The following KIF6 variants were observed in gnomAD, a reference collection of about 807,000 sequenced individuals.
KIF6 encodes the protein kinesin-like protein KIF6.
In KIF6, 106 loss-of-function variants were observed where a neutral mutation model predicts 112.7. The observed-to-expected ratio is 0.94, with a 90% CI of 0.80 to 1.11. The LOEUF is 1.11. KIF6 is among the 50% of genes least tolerant of loss of function. KIF6 has a pLI of 0.00. For missense variants in KIF6, 929 were observed against 964.0 expected (o/e 0.96, Z 0.48); for synonymous variants, 339 against 339.9 (o/e 1.00, Z 0.03).
rs1763366286 is a variant in KIF6, at chr6:39,342,363, A to G, written c.2428+1346T>C. On this transcript the variant is annotated intron_variant, in intron 22 of 22. Transcript: ENST00000287152. This position sits in a 1 kb window ranked among gnomAD's most constrained non-coding sequence, Gnocchi z 4.7. ...CTCAAACAATCTTACGTATTTGTCG[A>G]CGTGTTCATTGTCTGTCTCCTTCCT... 6.6e-6 allele frequency among the ~76,000 whole-genome samples: 1 copy of G among 152,212 alleles called. No individual in the cohort carries two copies. Among genetic ancestry groups the G allele is most frequent in the Non-Finnish European group, 1.5e-5 (1 of 68,050 alleles).
intron 10 of KIF6, among the ~76,000 whole-genome samples, chr6:39,555,182 C>T (rs1010249596): frequency 2.6e-5 from 4 of 152,192 alleles, no homozygotes; most frequent in African/African-American, 9.7e-5. Flanking sequence ...GTGTTTGCCT[C>T]TCCTTTTCTG....
Position 39,639,749 on chromosome 6 carries a change from G to T in KIF6, c.260C>A (p.Ala87Glu). 6.2e-7 allele frequency: 1 copy of T among 1,608,890 alleles called. No homozygotes were observed. The highest frequency in any genetic ancestry group is 8.5e-7 in the Non-Finnish European group (1 of 1,177,966). The part of the protein sequence containing the change: ...IAKPVAGSVL[A>E]GYNGTIFAYG... The stretch of plus-strand genomic sequence containing the variant: ...TGCAAAGATGGTACCATTGTAACCT[G>T]CCAGGACACTGCAATAAAGAAATGA... The change falls in exon 4 of 23, where the codon GCA (alanine) becomes GAA (glutamate). Residue 87 changes from alanine (A) to glutamate (E), a missense_variant. This residue lies in a region of KIF6 where 688 missense variants were observed against 662.7 expected (regional missense o/e 1.04). Transcript: ENST00000287152.
chr6:39,695,533 C>A (rs1788481711), intron 3 of KIF6, among the ~76,000 whole-genome samples: 1 of 152,058 alleles, frequency 6.6e-6, no homozygotes, highest in Non-Finnish European at 1.5e-5. Context: ...TACAAATGGG[C>A]AACCAAGATA....
intron 10 of KIF6, among the ~76,000 whole-genome samples, chr6:39,562,963 T>C (rs751253634): frequency 3.3e-5 from 5 of 152,074 alleles, no homozygotes; most frequent in South Asian, 4.1e-4. Flanking sequence ...AAAGGCTGGG[T>C]GTGGTGGCTC....
intron 22 of KIF6, among the ~76,000 whole-genome samples, chr6:39,340,890 G>T (rs1282501812): frequency 2.6e-5 from 4 of 152,086 alleles, no homozygotes; most frequent in Non-Finnish European, 4.4e-5. Flanking sequence ...TGGTTTCTAT[G>T]GATTTGTTAC....
At position 39,346,510 on chromosome 6, in the gene KIF6, C is replaced by T. The variant is rs766695790; in HGVS notation, c.2197G>A (p.Val733Ile). The change falls in exon 20 of 23, where the codon GTC becomes ATC. Residue 733 changes from valine (V) to isoleucine (I), a missense_variant. By Grantham distance (29) the Val-to-Ile change is conservative. Coordinates refer to ENST00000287152, the MANE Select transcript of KIF6 (RefSeq NM_145027.6). Reference sequence around the variant, plus strand: ...AATCTGCCAGTGCCTTGATCTTGGACTTCCCAGCCTCCAGAACTGTGAAAA... The same window carrying T: ...AATCTGCCAGTGCCTTGATCTTGGATTTCCCAGCCTCCAGAACTGTGAAAA... Reference protein sequence around the residue: ...LSNKSSGGWEVQDQGTGRFDV... With the variant: ...LSNKSSGGWEIQDQGTGRFDV... 143 of 713,856 alleles carry T rather than the reference C, an allele frequency of 2.0e-4. No homozygotes were observed. The highest frequency in any genetic ancestry group is 3.4e-4 in the Non-Finnish European group (131 of 384,996). 44.2% of individuals were successfully genotyped at this position (713,856 alleles called of 1,614,324 possible). A position where few individuals can be genotyped will look rare whatever the true frequency, so the allele number is the denominator to read the frequency against.
chr6:39,380,570 C>T (rs1471764939), intron 16 of KIF6, among the ~76,000 whole-genome samples: 1 of 152,040 alleles, frequency 6.6e-6, no homozygotes, highest in Non-Finnish European at 1.5e-5. Context: ...CACACACACG[C>T]ACACACCCGG....
At chr6:39,626,056 G>C (rs1387612168) in intron 5 of KIF6, among the ~76,000 whole-genome samples, 1 of 152,128 alleles carries the variant, frequency 6.6e-6, no homozygotes, top group East Asian at 1.9e-4. Context: ...TGAATGTGTT[G>C]CTCAGCAGGC....
chr6:39,362,878 G>A (rs1765269250), intron 16 of KIF6, among the ~76,000 whole-genome samples: 1 of 152,218 alleles, frequency 6.6e-6, no homozygotes, highest in Non-Finnish European at 1.5e-5. Context: ...GCCAGGCACA[G>A]TGGCTCACGC....
intron 9 of KIF6, among the ~76,000 whole-genome samples, chr6:39,582,917 G>A (rs910325691): frequency 6.6e-6 from 1 of 152,076 alleles, no homozygotes; most frequent in African/African-American, 2.4e-5. Flanking sequence ...GTTTTTAGAG[G>A]CAATTATAAA....
chr6:39,475,998 A>G (rs1378287177), intron 13 of KIF6, among the ~76,000 whole-genome samples: 1 of 152,010 alleles, frequency 6.6e-6, no homozygotes, highest in Non-Finnish European at 1.5e-5. Flanking sequence ...AGCTGAACAA[A>G]AAGAACACAT....
intron 15 of KIF6, among the ~76,000 whole-genome samples, chr6:39,398,208 C>A (rs1581763851): frequency 6.6e-6 from 1 of 152,166 alleles, no homozygotes; most frequent in South Asian, 2.1e-4. Context: ...AAGGCGTAAT[C>A]CTTAATTATG....
chr6:39,346,075 T>TCTCTCC (rs1763710602), intron 20 of KIF6, among the ~76,000 whole-genome samples: 1 of 21,136 alleles, frequency 4.7e-5, no homozygotes, highest in African/African-American at 5.0e-4. Flanking sequence ...TCTCTCTCTC[T>TCTCTCC]CTCTCTCTCT....
At chr6:39,396,532 G>A (rs370727648) in intron 15 of KIF6, among the ~76,000 whole-genome samples, 35 of 152,274 alleles carry the variant, frequency 2.3e-4, no homozygotes, top group Admixed American at 5.2e-4. Context: ...AGTGGAAAAC[G>A]GCAGGAGAAG....
At chr6:39,687,812 G>A (rs536062534) in intron 3 of KIF6, among the ~76,000 whole-genome samples, 2 of 152,274 alleles carry the variant, frequency 1.3e-5, no homozygotes, top group South Asian at 2.1e-4. Context: ...TAGCTGTGCT[G>A]CACTTTTCTT....
intron 15 of KIF6, among the ~76,000 whole-genome samples, chr6:39,409,833 A>G (rs905790609): frequency 3.9e-5 from 6 of 152,240 alleles, no homozygotes; most frequent in Non-Finnish European, 7.3e-5. Flanking sequence ...AGTTGACAAG[A>G]GACACAGCAA....
At chr6:39,601,154 T>C (rs1782549498) in intron 6 of KIF6, among the ~76,000 whole-genome samples, 1 of 152,138 alleles carries the variant, frequency 6.6e-6, no homozygotes, top group African/African-American at 2.4e-5. Flanking sequence ...CTTACCAGCA[T>C]CTTGTACATA....
At chr6:39,423,039 T>C (rs1770489698) in intron 14 of KIF6, among the ~76,000 whole-genome samples, 2 of 152,190 alleles carry the variant, frequency 1.3e-5, no homozygotes, top group African/African-American at 4.8e-5. Context: ...AGGGTTTCTT[T>C]CTATTGGTGC....
intron 13 of KIF6, among the ~76,000 whole-genome samples, chr6:39,445,854 A>T (rs1581873842): frequency 6.6e-6 from 1 of 152,210 alleles, no homozygotes; most frequent in African/African-American, 2.4e-5. Flanking sequence ...GACTGGCAGG[A>T]CCTTGGGGAT....
Sources: gnomAD v4.1 joint callset for allele counts (sites outside exome capture counted in the v4.1 genomes callset) on GRCh38, gnomAD v4.1.1 for gene constraint, gnomAD v4.1.1 regional missense constraint, Gnocchi (gnomAD v3.1) non-coding constraint, MANE v1.5 for transcripts, NCBI Gene and HGNC (gene_info 2026-07-23, HGNC 2026-07-21) for gene names.